P2RY14: variants seen among roughly 807,000 people sequenced by gnomAD.
P2RY14 encodes the protein purinergic receptor P2Y14, also known as P2Y purinoceptor 14.
Under a neutral mutation model 0.9 loss-of-function variants are expected in P2RY14, and 2 were observed. The observed-to-expected ratio is 2.16, with a 90% CI of 0.88 to 6.79. The LOEUF (loss-of-function observed/expected upper bound fraction) is 6.79, where lower values mean the gene tolerates loss of function less well. P2RY14 is among the 30% of genes most tolerant of loss of function. The probability of loss-of-function intolerance (pLI) is 0.05; values close to 1 mark genes in which losing one functional copy is unlikely to be tolerated. For missense variants in P2RY14, 378 were observed against 400.1 expected, an observed-to-expected ratio of 0.94 and a Z score of 0.47; for synonymous variants, 158 against 147.2, an observed-to-expected ratio of 1.07 and a Z score of -0.53.
chr3:151,214,252 T>C lies in P2RY14; in HGVS notation c.65A>G (p.Gln22Arg). Residue 22 changes from glutamine to arginine, a missense_variant, in exon 3 of 3, where the codon CAG (glutamine) becomes CGG (arginine). Coordinates refer to ENST00000309170, the MANE Select transcript of P2RY14 (RefSeq NM_014879.4). ...ACAGTACAGCACAGGAATGATCTGC[T>C]GAGTGATCAGGAGGTTCTGAGAGCA... ...ESCSQNLLIT[Q>R]QIIPVLYCMV... 6.2e-7 allele frequency: 1 copy of C among 1,614,064 alleles called. No individual in the cohort carries two copies. Among genetic ancestry groups the C allele is most frequent in the South Asian group, 1.1e-5 (1 of 91,078 alleles).
At chr3:151,236,060 T>G (rs1732710451) in intron 1 of P2RY14, among the ~76,000 whole-genome samples, 1 of 152,176 alleles carries the variant, frequency 6.6e-6, no homozygotes, top group African/African-American at 2.4e-5. Context: ...TCTCCCCCTA[T>G]TCTTACATAC....
intron 1 of P2RY14, among the ~76,000 whole-genome samples, chr3:151,240,156 C>T (rs565054966): frequency 1.5e-4 from 23 of 152,132 alleles, no homozygotes; most frequent in African/African-American, 4.6e-4. Context: ...GGAGTGGCCC[C>T]GTTTTTTAGA....
chr3:151,249,972 G>C lies in P2RY14; in HGVS notation c.-133+28315C>G, dbSNP rs577518920. Reference sequence around the variant, plus strand: ...TTCTGTCCTAGAGAGGCATGCTCACGATCAATCATGCCTGTTATCATTATC... The same window carrying C: ...TTCTGTCCTAGAGAGGCATGCTCACCATCAATCATGCCTGTTATCATTATC... On this transcript the variant is annotated intron_variant, in intron 1 of 2. Transcript: ENST00000309170. Among the ~76,000 whole-genome samples, 10 of 152,228 alleles carry C rather than the reference G, an allele frequency of 6.6e-5. No homozygotes were observed. In the South Asian group the frequency reaches 2.1e-3, roughly 32 times the overall value.
At chr3:151,235,848 CT>C (rs1268430350) in intron 1 of P2RY14, among the ~76,000 whole-genome samples, 2 of 152,128 alleles carry the variant, frequency 1.3e-5, no homozygotes, top group African/African-American at 2.4e-5. Flanking sequence ...TCAGCAAGGC[CT>C]TTCCTGTTCA....
intron 1 of P2RY14, among the ~76,000 whole-genome samples, chr3:151,256,475 G>A (rs1346034835): frequency 6.6e-6 from 1 of 152,180 alleles, no homozygotes; most frequent in Non-Finnish European, 1.5e-5. Context: ...GTCCCACCCT[G>A]TCTCCACAGG....
intron 1 of P2RY14, among the ~76,000 whole-genome samples, chr3:151,266,424 C>G (rs761873943): frequency 6.6e-6 from 1 of 152,148 alleles, no homozygotes; most frequent in Non-Finnish European, 1.5e-5. Context: ...TAGTGTTGAG[C>G]GAACGGACTT....
intron 1 of P2RY14, among the ~76,000 whole-genome samples, chr3:151,221,827 C>A (rs1177080439): frequency 6.6e-6 from 1 of 152,208 alleles, no homozygotes; most frequent in East Asian, 1.9e-4. Flanking sequence ...AGAGTGCCTA[C>A]TGGGGCACCA....
chr3:151,239,926 T>A (rs1271840053), intron 1 of P2RY14, among the ~76,000 whole-genome samples: 1 of 152,234 alleles, frequency 6.6e-6, no homozygotes, highest in African/African-American at 2.4e-5. Context: ...TTTTTGTAAC[T>A]TGTACAGAAC....
intron 1 of P2RY14, among the ~76,000 whole-genome samples, chr3:151,262,839 C>G (rs1739152284): frequency 6.6e-6 from 1 of 152,074 alleles, no homozygotes; most frequent in Admixed American, 6.6e-5. Flanking sequence ...CTGATAGCTT[C>G]TATATAAAGT....
intron 1 of P2RY14, among the ~76,000 whole-genome samples, chr3:151,267,582 A>C (rs969359105): frequency 6.6e-6 from 1 of 152,192 alleles, no homozygotes; most frequent in African/African-American, 2.4e-5. Flanking sequence ...TATGAATTTA[A>C]AACATTTTTT....
chr3:151,247,228 G>A (rs373139058), intron 1 of P2RY14, among the ~76,000 whole-genome samples: 16 of 151,852 alleles, frequency 1.1e-4, no homozygotes, highest in East Asian at 1.9e-4. Flanking sequence ...ATCTAGAACT[G>A]GAAATACCAT....
rs1178287398 is a variant in P2RY14, at chr3:151,212,274, A to G, written c.*1026T>C. ...AAGAATTTAGTTTTGGTAGCTCATA[A>G]GTCAGTAACCGTATGCCATGTCTCC... On this transcript the variant is annotated 3_prime_UTR_variant, in exon 3 of 3. Transcript: ENST00000309170. 1 of 152,218 alleles carries G rather than the reference A, an allele frequency of 6.6e-6. No homozygotes were observed. The highest frequency in any genetic ancestry group is 1.5e-5 in the Non-Finnish European group (1 of 68,032). The allele number at this position is 152,218 out of a possible 1,614,324, so 9.4% of individuals were successfully genotyped here. A position where few individuals can be genotyped will look rare whatever the true frequency, so the allele number is the denominator to read the frequency against.
intron 1 of P2RY14, among the ~76,000 whole-genome samples, chr3:151,241,479 A>G (rs1734062439): frequency 6.6e-6 from 1 of 152,176 alleles, no homozygotes; most frequent in South Asian, 2.1e-4. Flanking sequence ...GAAACACTAA[A>G]GGCAGTGAAG....
chr3:151,251,504 C>T (rs922886264), intron 1 of P2RY14, among the ~76,000 whole-genome samples: 10 of 152,108 alleles, frequency 6.6e-5, no homozygotes, highest in African/African-American at 2.2e-4. Context: ...TCCACTCACC[C>T]GTGAGAGGAA....
chr3:151,264,141 T>C lies in P2RY14; in HGVS notation c.-133+14146A>G, dbSNP rs945335992. Among the ~76,000 whole-genome samples, 8 of 152,394 alleles carry C rather than the reference T, an allele frequency of 5.2e-5. No homozygotes were observed. The South Asian group carries it at 1.4e-3, about 28-fold the overall frequency. On this transcript the variant is annotated intron_variant, in intron 1 of 2. Coordinates refer to ENST00000309170, the MANE Select transcript of P2RY14 (RefSeq NM_014879.4). ...GTTACTGGACATTTGGGTTATTTCA[T>C]TGTTCAGTGTTTAAAGATCTCTGTA...
chr3:151,222,039 G>A (rs995074000), intron 1 of P2RY14, among the ~76,000 whole-genome samples: 1 of 152,242 alleles, frequency 6.6e-6, no homozygotes, highest in African/African-American at 2.4e-5. Context: ...TGTGAGACAT[G>A]GAGTCAAAGG....
chr3:151,228,993 A>G (rs866078530), intron 1 of P2RY14, among the ~76,000 whole-genome samples: 1 of 152,204 alleles, frequency 6.6e-6, no homozygotes, highest in Non-Finnish European at 1.5e-5. Context: ...CTGTTAGACC[A>G]TTAGTGGTTA....
chr3:151,222,602 C>T (rs1444081652), intron 1 of P2RY14, among the ~76,000 whole-genome samples: 2 of 152,180 alleles, frequency 1.3e-5, no homozygotes, highest in African/African-American at 4.8e-5. Context: ...GAGATGTGCT[C>T]CACCATGATT....
intron 1 of P2RY14, among the ~76,000 whole-genome samples, chr3:151,275,351 C>T (rs1004614921): frequency 6.6e-6 from 1 of 152,060 alleles, no homozygotes; most frequent in Non-Finnish European, 1.5e-5. Flanking sequence ...AGCCAGCACC[C>T]GTCCCTGGCT....
Sources: gnomAD v4.1 joint callset for allele counts (sites outside exome capture counted in the v4.1 genomes callset) on GRCh38, gnomAD v4.1.1 for gene constraint, MANE v1.5 for transcripts, NCBI Gene and HGNC (gene_info 2026-07-23, HGNC 2026-07-21) for gene names.